Variants in ADAMTS3 observed in about 807,000 individuals in gnomAD.
ADAMTS3 encodes the protein ADAM metallopeptidase with thrombospondin type 1 motif 3, also known as A disintegrin and metalloproteinase with thrombospondin motifs 3.
ADAMTS3 carries 73 observed loss-of-function variants against 129.0 expected under a neutral mutation model. The ratio of observed to expected loss-of-function variants is 0.57; its 90% CI spans 0.47 to 0.69. The LOEUF (loss-of-function observed/expected upper bound fraction) is 0.69, where lower values mean the gene tolerates loss of function less well. Among genes scored for constraint, ADAMTS3 ranks in the 30% least tolerant of loss-of-function variants. The pLI is 0.00. For missense variants in ADAMTS3, 1,457 were observed against 1,514.5 expected (o/e 0.96, Z 0.63); for synonymous variants, 477 against 510.8 (o/e 0.93, Z 0.89).
intron 4 of ADAMTS3, among the ~76,000 whole-genome samples, chr4:72,346,133 C>T (rs1406026234): frequency 6.6e-6 from 1 of 152,112 alleles, no homozygotes; most frequent in Non-Finnish European, 1.5e-5. Context: ...TACACCAATT[C>T]TAGCATCAAA....
At chr4:72,305,847 T>C (rs770286090) in intron 16 of ADAMTS3, 140 bp downstream of exon 16, 2 of 729,198 alleles carry the variant, frequency 2.7e-6, no homozygotes, top group South Asian at 1.7e-5. Context: ...CACATGTACG[T>C]ACATATACGT....
intron 4 of ADAMTS3, among the ~76,000 whole-genome samples, chr4:72,387,875 A>G (rs1474820691): frequency 6.6e-6 from 1 of 152,120 alleles, no homozygotes; most frequent in African/African-American, 2.4e-5. Context: ...AAGACAAAAA[A>G]AAAACTTTCT....
rs141765088 is a variant in ADAMTS3, at chr4:72,424,054, T to C, written c.505-9083A>G. Among the ~76,000 whole-genome samples the C allele has an allele frequency of 2.0e-3, 311 of 152,226 alleles. 3 individuals carry two copies. Among genetic ancestry groups the C allele is most frequent in the African/African-American group, 7.3e-3 (302 of 41,560 alleles). On this transcript the variant is annotated intron_variant, in intron 3 of 21. Transcript: ENST00000286657. ...CAATTATTTATGTTAACTGTGCTGA[T>C]GCCTGGAAATTAAGAGATGTTAAAT...
At chr4:72,550,029 A>T (rs1174818557) in intron 2 of ADAMTS3, among the ~76,000 whole-genome samples, 1 of 5,292 alleles carries the variant, frequency 1.9e-4, no homozygotes, top group African/African-American at 5.8e-4. Context: ...GAAGAAGAAG[A>T]AGAAGAAGAA....
chr4:72,546,721 C>T (rs945220837), intron 3 of ADAMTS3, among the ~76,000 whole-genome samples: 37 of 152,100 alleles, frequency 2.4e-4, no homozygotes, highest in African/African-American at 8.7e-4. Context: ...AATTGTAGAC[C>T]ACAAAATATG....
At chr4:72,455,772 C>G (rs956298078) in intron 3 of ADAMTS3, among the ~76,000 whole-genome samples, 5 of 136,312 alleles carry the variant, frequency 3.7e-5, no homozygotes, top group African/African-American at 1.4e-4. Context: ...AAATATTCAC[C>G]ATTGTAACTA....
chr4:72,517,292 A>G lies in ADAMTS3; in HGVS notation c.504+31186T>C, dbSNP rs377105374. ...TGTTCATCAAGGATATTGGTCTAAA[A>G]TTCTCTTTTTTGGTTGTGTCTCTGC... On this transcript the variant is annotated intron_variant, in intron 3 of 21. Coordinates refer to ENST00000286657, the MANE Select transcript of ADAMTS3 (RefSeq NM_014243.3). Among the ~76,000 whole-genome samples the G allele has an allele frequency of 5.9e-5, 9 of 152,270 alleles. No individual in the cohort carries two copies. The East Asian group carries it at 9.6e-4, about 16-fold the overall frequency.
intron 3 of ADAMTS3, among the ~76,000 whole-genome samples, chr4:72,516,305 G>C (rs1478780901): frequency 6.6e-6 from 1 of 152,130 alleles, no homozygotes; most frequent in African/African-American, 2.4e-5. Context: ...GCTTAGGATT[G>C]ACTTGGCAAT....
chr4:72,317,799 G>A (rs557996618), intron 10 of ADAMTS3, among the ~76,000 whole-genome samples: 7 of 152,190 alleles, frequency 4.6e-5, no homozygotes, highest in African/African-American at 1.2e-4. Flanking sequence ...AGGCCAAGGC[G>A]GGCAGATCAC....
At chr4:72,396,457 T>A (rs1721727277) in intron 4 of ADAMTS3, among the ~76,000 whole-genome samples, 1 of 151,920 alleles carries the variant, frequency 6.6e-6, no homozygotes, top group Non-Finnish European at 1.5e-5. Flanking sequence ...AAAAAAACTT[T>A]CAGAGAAAAA....
rs185293222 is a variant in ADAMTS3 at position 72,342,037 on chromosome 4, G to T, written c.662-2344C>A. Among the ~76,000 whole-genome samples the T allele has an allele frequency of 5.5e-3, 830 of 152,258 alleles. 4 individuals carry two copies. The highest frequency in any genetic ancestry group is 0.017 in the Middle Eastern group (5 of 294). ...CTTCATTCATAATGAATTTGTCTTA[G>T]TAAAACTGCAAAATTATGGCAAAGC... On this transcript the variant is annotated intron_variant, in intron 4 of 21. Transcript: ENST00000286657.
chr4:72,549,848 C>T (rs922918292), intron 2 of ADAMTS3, among the ~76,000 whole-genome samples: 12 of 149,512 alleles, frequency 8.0e-5, no homozygotes, highest in Non-Finnish European at 1.8e-4. Flanking sequence ...ATGCAAACAC[C>T]CTTGGGAAAT....
In ADAMTS3 at chr4:72,331,259, G is replaced by A. The variant is rs377023703; in HGVS notation, c.862-8162C>T. Among the ~76,000 whole-genome samples the A allele has an allele frequency of 1.6e-4, 25 of 152,202 alleles. No individual in the cohort carries two copies. In the South Asian group the frequency reaches 4.2e-3, roughly 25 times the overall value. On this transcript the variant is annotated intron_variant, in intron 5 of 21. Coordinates refer to ENST00000286657, the MANE Select transcript of ADAMTS3 (RefSeq NM_014243.3). ...TGTTTTTATAAAAGGTGGCTGAATC[G>A]ACTTGTGCTTGATGCAATCTGTCTC...
chr4:72,356,142 G>A (rs945600706), intron 4 of ADAMTS3, among the ~76,000 whole-genome samples: 1 of 151,864 alleles, frequency 6.6e-6, no homozygotes, highest in Non-Finnish European at 1.5e-5. Flanking sequence ...CAAATCAGCA[G>A]GTAAATGGTT....
At chr4:72,529,024 A>G (rs953111416) in intron 3 of ADAMTS3, among the ~76,000 whole-genome samples, 10 of 152,166 alleles carry the variant, frequency 6.6e-5, no homozygotes, top group Non-Finnish European at 1.5e-4. Context: ...TTTCTGCTTT[A>G]GCTAGAATGG....
chr4:72,420,665 A>C (rs1722421061), intron 3 of ADAMTS3, among the ~76,000 whole-genome samples: 1 of 152,170 alleles, frequency 6.6e-6, no homozygotes, highest in Non-Finnish European at 1.5e-5. Flanking sequence ...TATTTATCTC[A>C]AGTGCTTAAA....
At chr4:72,326,080 G>A (rs1719691013) in intron 5 of ADAMTS3, among the ~76,000 whole-genome samples, 1 of 152,050 alleles carries the variant, frequency 6.6e-6, no homozygotes. Flanking sequence ...TATTATGCCA[G>A]GCTAATTAGA....
intron 2 of ADAMTS3, among the ~76,000 whole-genome samples, chr4:72,567,037 C>T (rs1722035052): frequency 6.6e-6 from 1 of 152,200 alleles, no homozygotes; most frequent in Admixed American, 6.5e-5. Flanking sequence ...CTCCTAAATG[C>T]TACAGAAGTT....
At chr4:72,410,529 C>A (rs571973833) in intron 4 of ADAMTS3, among the ~76,000 whole-genome samples, 1 of 152,082 alleles carries the variant, frequency 6.6e-6, no homozygotes, top group Non-Finnish European at 1.5e-5. Context: ...AGGGGAGAAG[C>A]CTAGGGCCTA....
Sources: gnomAD v4.1 joint callset for allele counts (sites outside exome capture counted in the v4.1 genomes callset) on GRCh38, gnomAD v4.1.1 for gene constraint, MANE v1.5 for transcripts, NCBI Gene and HGNC (gene_info 2026-07-23, HGNC 2026-07-21) for gene names.